NEK1: variants seen among roughly 807,000 people sequenced by gnomAD.
NEK1 encodes serine/threonine-protein kinase Nek1.
NEK1 carries 137 observed loss-of-function variants against 182.1 expected under a neutral mutation model. The ratio of observed to expected loss-of-function variants is 0.75; its 90% CI spans 0.65 to 0.87. NEK1 has a LOEUF of 0.87. Among genes scored for constraint, NEK1 ranks in the 40% least tolerant of loss-of-function variants. The probability of loss-of-function intolerance (pLI) is 0.00; values close to 1 mark genes in which losing one functional copy is unlikely to be tolerated. For synonymous variants in NEK1, 513 were observed against 492.2 expected (o/e 1.04, Z -0.56); for missense variants, 1,391 against 1,494.4 (o/e 0.93, Z 1.14).
At chr4:169,406,819 A>G in intron 31 of NEK1, 72 bp from the exon 32 acceptor site, 1 of 1,292,056 alleles carries the variant, frequency 7.7e-7, no homozygotes, top group South Asian at 1.5e-5. Context: ...GAAAACTAGA[A>G]CTAATCACAA....
chr4:169,598,989 C>T, intron 5 of NEK1, 111 bp downstream of exon 5: 2 of 746,216 alleles, frequency 2.7e-6, no homozygotes, highest in East Asian at 5.3e-5. Context: ...TACTAAACTT[C>T]CCTAGTAATT....
chr4:169,561,366 AAATTAATTGTACACTAAAG>A, intron 16 of NEK1, 95 bp downstream of exon 16: 2 of 871,650 alleles, frequency 2.3e-6, no homozygotes, highest in Non-Finnish European at 3.7e-6. Flanking sequence ...TTCTAGGTAA[AAATTAATTGTACACTAAAG>A]AAAGAAAGAA....
chr4:169,459,296 T>G (rs1355107571), intron 27 of NEK1, among the ~76,000 whole-genome samples: 1 of 152,126 alleles, frequency 6.6e-6, no homozygotes, highest in African/African-American at 2.4e-5. Context: ...AGGTTCAACA[T>G]CATATGTTAT....
At chr4:169,418,085 A>G (rs1241814593) in intron 31 of NEK1, among the ~76,000 whole-genome samples, 1 of 152,240 alleles carries the variant, frequency 6.6e-6, no homozygotes, top group Non-Finnish European at 1.5e-5. Flanking sequence ...AAGCTGAACA[A>G]TGCTCAGAGC....
intron 23 of NEK1, among the ~76,000 whole-genome samples, chr4:169,487,607 A>G (rs1471709832): frequency 6.6e-6 from 1 of 152,222 alleles, no homozygotes; most frequent in Non-Finnish European, 1.5e-5. Flanking sequence ...TATCGTGAAT[A>G]GTGCTGCAAT....
chr4:169,545,862 T>A (rs907904082), intron 18 of NEK1, among the ~76,000 whole-genome samples: 3 of 152,122 alleles, frequency 2.0e-5, no homozygotes, highest in Non-Finnish European at 4.4e-5. Context: ...TTGAGAAGTG[T>A]CTGTTCATGT....
At chr4:169,511,918 G>C (rs1209540804) in intron 19 of NEK1, among the ~76,000 whole-genome samples, 1 of 152,046 alleles carries the variant, frequency 6.6e-6, no homozygotes, top group Non-Finnish European at 1.5e-5. Context: ...TCCATCTATG[G>C]TATTGCAATG....
chr4:169,524,583 G>GA (rs997624432), intron 19 of NEK1, among the ~76,000 whole-genome samples: 2 of 151,938 alleles, frequency 1.3e-5, no homozygotes, highest in African/African-American at 4.8e-5. Context: ...ATATGTGTGT[G>GA]AAAAAAGAGT....
intron 30 of NEK1, among the ~76,000 whole-genome samples, chr4:169,425,741 C>T (rs1182440552): frequency 6.6e-6 from 1 of 152,022 alleles, no homozygotes; most frequent in African/African-American, 2.4e-5. Context: ...TGGTCTCAAA[C>T]TTCTGGCCTC....
chr4:169,610,193 G>A (rs1439336163), intron 2 of NEK1, among the ~76,000 whole-genome samples: 1 of 151,934 alleles, frequency 6.6e-6, no homozygotes, highest in Non-Finnish European at 1.5e-5. Flanking sequence ...GTAGAGACGG[G>A]GTTTCGCCAT....
intron 23 of NEK1, among the ~76,000 whole-genome samples, chr4:169,492,028 C>A (rs1307631287): frequency 6.6e-6 from 1 of 152,002 alleles, no homozygotes; most frequent in Non-Finnish European, 1.5e-5. Context: ...AGAAAGGAAT[C>A]AAAACTTAGC....
At chr4:169,450,136 G>C (rs1741420067) in intron 27 of NEK1, among the ~76,000 whole-genome samples, 1 of 152,094 alleles carries the variant, frequency 6.6e-6, no homozygotes. Context: ...AGAAAAAAGA[G>C]TAAAAAGAAA....
intron 2 of NEK1, 68 bp from the exon 3 acceptor site, chr4:169,602,746 T>C (rs1770703858): frequency 1.7e-6 from 1 of 588,834 alleles, no homozygotes; most frequent in Admixed American, 3.5e-5. Context: ...ATTTTAATGT[T>C]TAATTCAAAT....
intron 23 of NEK1, among the ~76,000 whole-genome samples, chr4:169,497,931 C>A (rs536666558): frequency 1.3e-5 from 2 of 152,208 alleles, no homozygotes; most frequent in Admixed American, 1.3e-4. Context: ...CCCCTTGGTG[C>A]AGAGCTGAGT....
chr4:169,512,822 A>G (rs916400730), intron 19 of NEK1, among the ~76,000 whole-genome samples: 4 of 152,064 alleles, frequency 2.6e-5, no homozygotes, highest in Admixed American at 6.5e-5. Flanking sequence ...TGGATGTCCA[A>G]TTCCTCCCAC....
At chr4:169,415,920 A>G (rs1734467547) in intron 31 of NEK1, among the ~76,000 whole-genome samples, 1 of 152,178 alleles carries the variant, frequency 6.6e-6, no homozygotes, top group African/African-American at 2.4e-5. Context: ...ACACGTGGCT[A>G]AGGAACTGCT....
At chr4:169,472,097 A>G (rs1746084853) in intron 26 of NEK1, among the ~76,000 whole-genome samples, 1 of 152,006 alleles carries the variant, frequency 6.6e-6, no homozygotes, top group Non-Finnish European at 1.5e-5. Flanking sequence ...CCCTGGCTTC[A>G]GCTCCCTTTC....
intron 19 of NEK1, among the ~76,000 whole-genome samples, chr4:169,533,719 C>T (rs945266636): frequency 6.6e-6 from 1 of 152,080 alleles, no homozygotes; most frequent in Admixed American, 6.5e-5. Context: ...GAAATCCTTC[C>T]AAAACACAGT....
intron 26 of NEK1, among the ~76,000 whole-genome samples, chr4:169,474,544 G>C (rs2149539081): frequency 6.6e-6 from 1 of 152,196 alleles, no homozygotes; most frequent in East Asian, 1.9e-4. Flanking sequence ...TCTGTCTCTA[G>C]CACTCTAATG....
Sources: allele counts gnomAD v4.1 joint callset (sites outside exome capture counted in the v4.1 genomes callset), GRCh38; gene constraint gnomAD v4.1.1; transcripts MANE v1.5; gene names NCBI Gene and HGNC (gene_info 2026-07-23, HGNC 2026-07-21).